Variants in CARF observed in about 807,000 individuals in gnomAD.
CARF encodes the protein calcium-responsive transcription factor.
Under a neutral mutation model 82.0 loss-of-function variants are expected in CARF, and 57 were observed. That is an observed-to-expected ratio of 0.70 (90% CI 0.56 to 0.87). The LOEUF is 0.87. Among genes scored for constraint, CARF ranks in the 40% least tolerant of loss-of-function variants. The probability of loss-of-function intolerance (pLI) is 0.00; values close to 1 mark genes in which losing one functional copy is unlikely to be tolerated. For missense variants in CARF, 771 were observed against 855.8 expected, an observed-to-expected ratio of 0.90 and a Z score of 1.24; for synonymous variants, 268 against 290.1, an observed-to-expected ratio of 0.92 and a Z score of 0.77.
rs540006365 is a variant in CARF, at chr2:202,939,542, T to C, written c.-43-2318T>C. On this transcript the variant is annotated intron_variant, in intron 3 of 16. Coordinates refer to ENST00000438828, the MANE Select transcript of CARF (RefSeq NM_024744.17). ...ATATGCATACTATACTTTCTATTTT[T>C]CTTATTTTTAAGTCTTTGTCATACA... Among the ~76,000 whole-genome samples, 343 of 152,260 alleles carry C rather than the reference T, an allele frequency of 2.3e-3. 2 individuals are homozygous for C. Among genetic ancestry groups the C allele is most frequent in the African/African-American group, 7.8e-3 (324 of 41,558 alleles).
At chr2:202,930,686 T>G (rs748538633) in intron 3 of CARF, among the ~76,000 whole-genome samples, 16 of 152,298 alleles carry the variant, frequency 1.1e-4, no homozygotes, top group Non-Finnish European at 1.9e-4. Context: ...GACCATTGTT[T>G]TGAAAAATTT....
At chr2:202,918,606 TATAGC>T (rs1399863416) in intron 2 of CARF, among the ~76,000 whole-genome samples, 2 of 152,160 alleles carry the variant, frequency 1.3e-5, no homozygotes, top group African/African-American at 4.8e-5. Context: ...GATAAAAACT[TATAGC>T]ATATACTGAC....
rs1008282053 is a variant in CARF at position 202,974,411 on chromosome 2, A to G, written c.1409A>G (p.Asn470Ser). The part of the protein sequence containing the change: ...RHNLSFFPTV[N>S]DIKNHIHEVQ... ...AATTTATCTTTTTTTCCAACTGTAA[A>G]TGATATAAAAAATCACATCCATGAG... Residue 470 changes from asparagine (N) to serine (S), a missense_variant, in exon 13 of 17, where the codon AAT becomes AGT. By Grantham distance (46) the Asn-to-Ser change is conservative (BLOSUM62 1). Transcript: ENST00000438828. The G allele has an allele frequency of 3.1e-6, 5 of 1,611,438 alleles. No homozygotes were observed. The highest frequency in any genetic ancestry group is 3.4e-6 in the Non-Finnish European group (4 of 1,179,282).
At chr2:202,932,018 G>A (rs924435102) in intron 3 of CARF, among the ~76,000 whole-genome samples, 5 of 152,132 alleles carry the variant, frequency 3.3e-5, no homozygotes, top group Non-Finnish European at 7.3e-5. Context: ...CTGGGGAGGC[G>A]TCAGGAAGCT....
At chr2:202,936,102 T>C (rs564698520) in intron 3 of CARF, among the ~76,000 whole-genome samples, 2 of 152,310 alleles carry the variant, frequency 1.3e-5, no homozygotes, top group Middle Eastern at 3.4e-3. Context: ...AGTGTTAGGA[T>C]TGTAAGTGTG....
chr2:202,975,953 G>A (rs1291058583), intron 13 of CARF, among the ~76,000 whole-genome samples: 2 of 149,476 alleles, frequency 1.3e-5, no homozygotes, highest in Non-Finnish European at 3.0e-5. Flanking sequence ...GCTGAGGCAG[G>A]AGAATCACTT....
chr2:202,923,806 C>T (rs1054908714), intron 2 of CARF, among the ~76,000 whole-genome samples: 3 of 152,056 alleles, frequency 2.0e-5, no homozygotes, highest in African/African-American at 7.2e-5. Context: ...AATAGAGAAC[C>T]CAGAAATAAA....
chr2:202,983,844 A>AT lies in CARF; in HGVS notation c.*222dup, dbSNP rs1329224347. The AT allele has an allele frequency of 1.3e-4, 57 of 449,198 alleles. 1 individual carries two copies. The highest frequency in any genetic ancestry group is 3.5e-5 in the Non-Finnish European group (9 of 258,060). 27.8% of individuals were successfully genotyped at this position (449,198 alleles called of 1,614,324 possible). The stretch of plus-strand genomic sequence containing the variant: ...TTTTGTATAATTTTTATGCTCTTTG[A>AT]TTATCTAATAAGGCCAGTATTTCAA... On this transcript the variant is annotated 3_prime_UTR_variant, in exon 17 of 17. Coordinates refer to ENST00000438828, the MANE Select transcript of CARF (RefSeq NM_024744.17).
intron 13 of CARF, among the ~76,000 whole-genome samples, chr2:202,975,728 T>A (rs1009429900): frequency 6.6e-6 from 1 of 152,224 alleles, no homozygotes; most frequent in Admixed American, 6.5e-5. Context: ...CCCTCCCTTT[T>A]TTAATAAATG....
intron 5 of CARF, among the ~76,000 whole-genome samples, chr2:202,950,786 T>A (rs1413415026): frequency 6.6e-6 from 1 of 152,194 alleles, no homozygotes; most frequent in Non-Finnish European, 1.5e-5. Flanking sequence ...TGCTGCCACT[T>A]CCTATGAACT....
intron 5 of CARF, 87 bp from the exon 6 acceptor site, chr2:202,952,472 A>G (rs1226828092): frequency 5.2e-6 from 6 of 1,159,702 alleles, no homozygotes; most frequent in South Asian, 3.3e-5. Context: ...AGAGCTAGGT[A>G]TGTGTTTAAT....
chr2:202,982,015 G>A, intron 15 of CARF, 57 bp from the exon 16 acceptor site: 2 of 1,545,636 alleles, frequency 1.3e-6, no homozygotes, highest in East Asian at 4.5e-5. Context: ...TATATCCTAT[G>A]AGAATATCAT....
Position 202,969,975 on chromosome 2 carries a change from A to G in CARF, c.1010A>G (p.Lys337Arg), listed in dbSNP as rs757457750. ...GAATATAGAGTTCCTACAGACCCCA[A>G]AATTGACAAGAAAATTATCAGAATG... Reference protein sequence around the residue: ...FPEYRVPTDPKIDKKIIRMEQ... With the variant: ...FPEYRVPTDPRIDKKIIRMEQ... Residue 337 changes from lysine to arginine, a missense_variant, in exon 11 of 17, where the codon AAA becomes AGA. Coordinates refer to ENST00000438828, the MANE Select transcript of CARF (RefSeq NM_024744.17). 2 of 1,574,322 alleles carry G rather than the reference A, an allele frequency of 1.3e-6. No individual in the cohort carries two copies. The highest frequency in any genetic ancestry group is 2.4e-5 in the South Asian group (2 of 82,296).
At chr2:202,973,323 A>G (rs2059883987) in intron 12 of CARF, among the ~76,000 whole-genome samples, 1 of 152,214 alleles carries the variant, frequency 6.6e-6, no homozygotes, top group Admixed American at 6.5e-5. Flanking sequence ...GAATCTTAAC[A>G]ATGGAAGTAT....
At chr2:202,965,198 T>C (rs2059498571) in intron 9 of CARF, among the ~76,000 whole-genome samples, 1 of 152,154 alleles carries the variant, frequency 6.6e-6, no homozygotes, top group Admixed American at 6.6e-5. Context: ...TGTGATGTAG[T>C]TTTTGTTCTT....
intron 8 of CARF, among the ~76,000 whole-genome samples, chr2:202,958,192 G>T (rs955260797): frequency 6.7e-6 from 1 of 150,264 alleles, no homozygotes; most frequent in South Asian, 2.1e-4. Context: ...TATTACATTT[G>T]TTAGGACATT....
intron 8 of CARF, among the ~76,000 whole-genome samples, chr2:202,959,012 G>T (rs185345702): frequency 6.6e-6 from 1 of 150,972 alleles, no homozygotes; most frequent in Non-Finnish European, 1.5e-5. Flanking sequence ...CTCATTTAAT[G>T]ATGTTTTACT....
At chr2:202,982,561 A>G (rs571081498) in intron 16 of CARF, 120 bp downstream of exon 16, 255 of 1,084,398 alleles carry the variant, frequency 2.4e-4, no homozygotes, top group Non-Finnish European at 3.1e-4. Context: ...ATGTAAATGA[A>G]GCAAAATTAT....
intron 6 of CARF, among the ~76,000 whole-genome samples, chr2:202,953,748 T>A (rs1359058402): frequency 6.6e-6 from 1 of 152,024 alleles, no homozygotes; most frequent in Non-Finnish European, 1.5e-5. Context: ...GCAGAACTCT[T>A]AATATACAAT....
Sources: gnomAD v4.1 joint callset for allele counts (sites outside exome capture counted in the v4.1 genomes callset) on GRCh38, gnomAD v4.1.1 for gene constraint, MANE v1.5 for transcripts, NCBI Gene and HGNC (gene_info 2026-07-23, HGNC 2026-07-21) for gene names.